Variants in THADA observed in about 807,000 individuals in gnomAD.
THADA encodes tRNA (32-2'-O)-methyltransferase regulator THADA.
Under a neutral mutation model 219.8 loss-of-function variants are expected in THADA, and 213 were observed. The ratio of observed to expected loss-of-function variants is 0.97; its 90% CI spans 0.87 to 1.09. The LOEUF is 1.09. THADA is among the 50% of genes least tolerant of loss of function. The pLI, the probability that THADA is intolerant of heterozygous loss-of-function variation, is 0.00. For missense variants in THADA, 2,956 were observed against 2,311.3 expected, an observed-to-expected ratio of 1.28 and a Z score of -5.72; for synonymous variants, 1,018 against 828.9, an observed-to-expected ratio of 1.23 and a Z score of -3.92.
chr2:43,531,294 A>G (rs1693831425), intron 21 of THADA, among the ~76,000 whole-genome samples: 1 of 152,238 alleles, frequency 6.6e-6, no homozygotes, highest in African/African-American at 2.4e-5. Context: ...GGTAATTAAC[A>G]TGAGAAGAGG....
At chr2:43,528,255 C>A (rs924797616) in intron 21 of THADA, among the ~76,000 whole-genome samples, 11 of 151,564 alleles carry the variant, frequency 7.3e-5, no homozygotes, top group Non-Finnish European at 1.5e-4. Context: ...CTCAGCCTCC[C>A]AAGTAGCTGG....
At chr2:43,312,864 T>C (rs1677666719) in intron 31 of THADA, among the ~76,000 whole-genome samples, 1 of 152,184 alleles carries the variant, frequency 6.6e-6, no homozygotes, top group Non-Finnish European at 1.5e-5. Flanking sequence ...TGTGTCATAT[T>C]AAACACATCT....
intron 36 of THADA, among the ~76,000 whole-genome samples, chr2:43,279,260 TTCA>T (rs1276444743): frequency 6.6e-6 from 1 of 152,176 alleles, no homozygotes; most frequent in African/African-American, 2.4e-5. Context: ...CCCTCCTGGG[TTCA>T]TGTTATTATC....
At chr2:43,299,746 G>C (rs1004914987) in intron 31 of THADA, among the ~76,000 whole-genome samples, 15 of 151,406 alleles carry the variant, frequency 9.9e-5, no homozygotes, top group African/African-American at 3.6e-4. Flanking sequence ...TGAAATTTGG[G>C]CTGGGCACAG....
In THADA at chr2:43,485,193, A is replaced by AT. The variant is rs745999088; in HGVS notation, c.3836+40dup. The AT allele has an allele frequency of 3.3e-6, 5 of 1,501,720 alleles. No homozygotes were observed. The South Asian group carries it at 5.7e-5, about 17-fold the overall frequency. The allele number at this position is 1,501,720 out of a possible 1,614,324, so 93.0% of individuals were successfully genotyped here. ...TTGTTTTTGGCCAGGACAATATTGT[A>AT]TTTTTTAAAAAAAGTAAAGTTAGCC... On this transcript the variant is annotated intron_variant, in intron 26 of 37. Transcript: ENST00000405975.
intron 3 of THADA, among the ~76,000 whole-genome samples, chr2:43,591,464 C>T (rs1204210630): frequency 6.6e-6 from 1 of 152,100 alleles, no homozygotes; most frequent in Non-Finnish European, 1.5e-5. Flanking sequence ...ACCCTCCAGA[C>T]CCACCTCCAC....
intron 31 of THADA, among the ~76,000 whole-genome samples, chr2:43,312,348 A>G (rs1025296414): frequency 5.3e-5 from 8 of 152,190 alleles, no homozygotes; most frequent in African/African-American, 1.9e-4. Context: ...ACATTATATG[A>G]GGCCTTTAAC....
At chr2:43,387,066 C>T (rs1485980031) in intron 29 of THADA, among the ~76,000 whole-genome samples, 1 of 152,138 alleles carries the variant, frequency 6.6e-6, no homozygotes, top group East Asian at 1.9e-4. Context: ...TTCAGTAGAA[C>T]CTCTGTTTTT....
At chr2:43,587,852 T>C (rs933390562) in intron 4 of THADA, among the ~76,000 whole-genome samples, 5 of 152,172 alleles carry the variant, frequency 3.3e-5, no homozygotes, top group Non-Finnish European at 7.3e-5. Flanking sequence ...AGGCAGTCAA[T>C]AAAAATTTAT....
intron 22 of THADA, among the ~76,000 whole-genome samples, chr2:43,520,010 T>C (rs1692211155): frequency 6.6e-6 from 1 of 152,202 alleles, no homozygotes; most frequent in Non-Finnish European, 1.5e-5. Flanking sequence ...GAGGTAAAAA[T>C]GAAACCATGC....
chr2:43,393,252 C>A (rs1335796772), intron 29 of THADA, among the ~76,000 whole-genome samples: 1 of 152,204 alleles, frequency 6.6e-6, no homozygotes, highest in Non-Finnish European at 1.5e-5. Flanking sequence ...TTTGTTTCCA[C>A]TGTATCATAA....
chr2:43,554,978 T>C (rs1697169933), intron 17 of THADA, among the ~76,000 whole-genome samples: 1 of 152,106 alleles, frequency 6.6e-6, no homozygotes. Flanking sequence ...TTCCTTTGAG[T>C]GTCATGTTGG....
intron 7 of THADA, among the ~76,000 whole-genome samples, chr2:43,584,403 G>A (rs146999136): frequency 3.3e-5 from 5 of 151,862 alleles, no homozygotes; most frequent in Non-Finnish European, 5.9e-5. Flanking sequence ...CAGTTCAAAC[G>A]AACAAAATAA....
intron 36 of THADA, among the ~76,000 whole-genome samples, chr2:43,238,073 C>T (rs1352447033): frequency 4.9e-5 from 6 of 123,660 alleles, no homozygotes; most frequent in African/African-American, 1.6e-4. Flanking sequence ...GAGCCAAGAT[C>T]GTGCCACTGC....
At chr2:43,485,208 T>G (rs1311695369) in intron 26 of THADA, 26 bp downstream of exon 26, 1 of 1,564,006 alleles carries the variant, frequency 6.4e-7, no homozygotes, top group South Asian at 1.1e-5. Flanking sequence ...TTAAAAAAAG[T>G]AAAGTTAGCC....
chr2:43,399,073 C>T (rs6544652), intron 28 of THADA, among the ~76,000 whole-genome samples: 34,845 of 152,116 alleles, frequency 0.23, 4,111 homozygotes, highest in South Asian at 0.31. Context: ...AACCATTTTG[C>T]TGAAACTGTG....
Position 43,340,252 on chromosome 2 carries a change from T to C in THADA, c.4343+3870A>G, listed in dbSNP as rs1039117755. On this transcript the variant is annotated intron_variant, in intron 30 of 37. Coordinates refer to ENST00000405975, the MANE Select transcript of THADA (RefSeq NM_022065.5). ...ACATCCTGGAATGAAAAGCAGCCTGTAAGAGCAGAAGCCCAGTCCTTTCCT... is the reference window on the plus strand; with the variant it reads ...ACATCCTGGAATGAAAAGCAGCCTGCAAGAGCAGAAGCCCAGTCCTTTCCT... Among the ~76,000 whole-genome samples the C allele has an allele frequency of 3.9e-5, 6 of 152,228 alleles. No homozygotes were observed. The East Asian group carries it at 1.2e-3, about 29-fold the overall frequency.
intron 26 of THADA, among the ~76,000 whole-genome samples, chr2:43,481,797 T>C (rs915588741): frequency 1.3e-5 from 2 of 152,200 alleles, no homozygotes; most frequent in African/African-American, 4.8e-5. Context: ...GTGGAGAGTG[T>C]GCAAAAGCTA....
At chr2:43,406,996 C>A (rs9677398) in intron 28 of THADA, among the ~76,000 whole-genome samples, 38,586 of 152,070 alleles carry the variant, frequency 0.25, 5,078 homozygotes, top group South Asian at 0.33. Context: ...CACGTTCAGG[C>A]AGCCACTGAC....
Sources: gnomAD v4.1 joint callset for allele counts (sites outside exome capture counted in the v4.1 genomes callset) on GRCh38, gnomAD v4.1.1 for gene constraint, MANE v1.5 for transcripts, NCBI Gene and HGNC (gene_info 2026-07-23, HGNC 2026-07-21) for gene names.